The following COMMD2 variants were observed in gnomAD, a reference collection of about 807,000 sequenced individuals.
COMMD2 encodes COMM domain-containing protein 2.
In COMMD2, 25 loss-of-function variants were observed where a neutral mutation model predicts 22.5. That is an observed-to-expected ratio of 1.11 (90% CI 0.81 to 1.55). The LOEUF is 1.55. COMMD2 is among the 40% of genes most tolerant of loss of function. The probability of loss-of-function intolerance (pLI) is 0.00; values close to 1 mark genes in which losing one functional copy is unlikely to be tolerated. For missense variants in COMMD2, 223 were observed against 232.9 expected, an observed-to-expected ratio of 0.96 and a Z score of 0.28; for synonymous variants, 98 against 91.2, an observed-to-expected ratio of 1.07 and a Z score of -0.42.
chr3:149,752,308 C>T, intron 1 of COMMD2, 21 bp from the exon 2 acceptor site: 6 of 1,614,010 alleles, frequency 3.7e-6, no homozygotes, highest in Non-Finnish European at 5.1e-6. Flanking sequence ...AGTCAGAAGG[C>T]TGTTGAGTGC....
At chr3:149,745,202 C>G (rs1314007633) in intron 4 of COMMD2, among the ~76,000 whole-genome samples, 4 of 152,300 alleles carry the variant, frequency 2.6e-5, no homozygotes, top group Non-Finnish European at 5.9e-5. Flanking sequence ...CCCAATGAAC[C>G]CTACAAGACT....
Position 149,752,380 on chromosome 3 carries a change from G to C in COMMD2, c.65C>G (p.Ala22Gly). ...ACACCGCCCCCACGCCCGCTGACCCGCGCTGTCCACTTGAGGCAGGAAGGC... is the reference window on the plus strand; with the variant it reads ...ACACCGCCCCCACGCCCGCTGACCCCCGCTGTCCACTTGAGGCAGGAAGGC... ...HLAFLPQVDS[A>G]VVAEFGRIAV... Residue 22 changes from alanine to glycine, a missense_variant and splice_region_variant, in exon 1 of 5, where the codon GCG (alanine) becomes GGG (glycine). Coordinates refer to ENST00000473414, the MANE Select transcript of COMMD2 (RefSeq NM_016094.4). 2 of 1,614,106 alleles carry C rather than the reference G, an allele frequency of 1.2e-6. No homozygotes were observed. The highest frequency in any genetic ancestry group is 1.7e-6 in the Non-Finnish European group (2 of 1,179,982).
intron 4 of COMMD2, among the ~76,000 whole-genome samples, chr3:149,746,997 T>A (rs1716389834): frequency 6.6e-6 from 1 of 152,102 alleles, no homozygotes; most frequent in African/African-American, 2.4e-5. Flanking sequence ...GGAAAACTGC[T>A]CCTATGACTC....
intron 4 of COMMD2, among the ~76,000 whole-genome samples, chr3:149,743,232 AAAC>A (rs1365570090): frequency 4.6e-5 from 7 of 152,320 alleles, no homozygotes; most frequent in Middle Eastern, 3.4e-3. Context: ...TAAAAGAAGA[AAAC>A]ACAAAACTAT....
intron 4 of COMMD2, among the ~76,000 whole-genome samples, chr3:149,742,252 T>G (rs1716250202): frequency 6.6e-6 from 1 of 152,192 alleles, no homozygotes; most frequent in Non-Finnish European, 1.5e-5. Flanking sequence ...AAATACCATT[T>G]TACAAATATC....
chr3:149,743,058 A>C (rs985920583), intron 4 of COMMD2, among the ~76,000 whole-genome samples: 2 of 152,088 alleles, frequency 1.3e-5, no homozygotes, highest in African/African-American at 2.4e-5. Context: ...GGAGATGGTT[A>C]CAATTGGGTA....
rs146422588 is a variant in COMMD2 at position 149,751,964 on chromosome 3, G to A, written c.145+246C>T. The A allele has an allele frequency of 5.1e-3, 2,241 of 437,220 alleles. 11 individuals are homozygous for A. The highest frequency in any genetic ancestry group is 7.4e-3 in the Non-Finnish European group (1,823 of 247,334). 27.1% of individuals were successfully genotyped at this position (437,220 alleles called of 1,614,324 possible). A position where few individuals can be genotyped will look rare whatever the true frequency, so the allele number is the denominator to read the frequency against. On this transcript the variant is annotated intron_variant, in intron 2 of 4. Transcript: ENST00000473414. ...ATACAAAACACTTTTCAGTATTTCT[G>A]AAAGTAAGGTGGTATTATGTACATT...
chr3:149,745,433 C>T (rs1390729424), intron 4 of COMMD2, among the ~76,000 whole-genome samples: 3 of 152,120 alleles, frequency 2.0e-5, no homozygotes, highest in Non-Finnish European at 2.9e-5. Context: ...CAATACTTGC[C>T]CTCCTGGAGC....
At position 149,738,551 on chromosome 3, in the gene COMMD2, T is replaced by C. The variant is rs560661513; in HGVS notation, c.*2970A>G. On this transcript the variant is annotated 3_prime_UTR_variant, in exon 5 of 5. Transcript: ENST00000473414. ...TAAACATTCTATATACATGGTCTCATATAGTCCTTACGAGTCAATGTGGTA... is the reference window on the plus strand; with the variant it reads ...TAAACATTCTATATACATGGTCTCACATAGTCCTTACGAGTCAATGTGGTA... The C allele has an allele frequency of 1.3e-5, 2 of 152,200 alleles. No individual in the cohort carries two copies. Among genetic ancestry groups the C allele is most frequent in the East Asian group, 1.9e-4 (1 of 5,182 alleles). 9.4% of individuals were successfully genotyped at this position (152,200 alleles called of 1,614,324 possible). A position where few individuals can be genotyped will look rare whatever the true frequency, so the allele number is the denominator to read the frequency against.
At chr3:149,747,549 G>A (rs1205663461) in intron 4 of COMMD2, among the ~76,000 whole-genome samples, 5 of 152,210 alleles carry the variant, frequency 3.3e-5, no homozygotes, top group African/African-American at 9.6e-5. Context: ...AGTAAGTTAC[G>A]AGAGTAGAGT....
At position 149,738,724 on chromosome 3, in the gene COMMD2, C is replaced by T. The variant is rs925677058; in HGVS notation, c.*2797G>A. ...TCTTAACCACTTCATAAGATTAAAA[C>T]GCTGAAGGGGCACATACTGTTATGA... On this transcript the variant is annotated 3_prime_UTR_variant, in exon 5 of 5. Coordinates refer to ENST00000473414, the MANE Select transcript of COMMD2 (RefSeq NM_016094.4). 13 of 152,102 alleles carry T rather than the reference C, an allele frequency of 8.5e-5. No homozygotes were observed. The highest frequency in any genetic ancestry group is 1.3e-4 in the Non-Finnish European group (9 of 67,978). The allele number at this position is 152,102 out of a possible 1,614,324, so 9.4% of individuals were successfully genotyped here.
chr3:149,741,892 A>C (rs1716239614), intron 4 of COMMD2, among the ~76,000 whole-genome samples, 174 bp from the exon 5 acceptor site: 1 of 152,152 alleles, frequency 6.6e-6, no homozygotes, highest in Admixed American at 6.5e-5. Flanking sequence ...AATATATACC[A>C]ATTTTATGGT....
At chr3:149,747,477 G>A (rs966818536) in intron 4 of COMMD2, among the ~76,000 whole-genome samples, 2 of 152,210 alleles carry the variant, frequency 1.3e-5, no homozygotes, top group Non-Finnish European at 2.9e-5. Flanking sequence ...GTAGGAAGGC[G>A]TGACTGTGAC....
intron 4 of COMMD2, among the ~76,000 whole-genome samples, chr3:149,743,966 T>C (rs1190232517): frequency 6.6e-6 from 1 of 152,180 alleles, no homozygotes; most frequent in East Asian, 1.9e-4. Flanking sequence ...ATCTATACTA[T>C]TCTTTAACAG....
chr3:149,746,279 G>A (rs1175865346), intron 4 of COMMD2, among the ~76,000 whole-genome samples: 2 of 151,998 alleles, frequency 1.3e-5, no homozygotes, highest in Admixed American at 6.6e-5. Flanking sequence ...ACCTTTTTAA[G>A]AAACTGACTT....
intron 4 of COMMD2, among the ~76,000 whole-genome samples, chr3:149,747,397 G>A (rs530786102): frequency 4.6e-5 from 7 of 152,330 alleles, no homozygotes; most frequent in Non-Finnish European, 8.8e-5. Context: ...CTGAGAAAGA[G>A]GAGCCTGTGA....
chr3:149,746,871 A>G (rs1716386046), intron 4 of COMMD2, among the ~76,000 whole-genome samples: 1 of 152,230 alleles, frequency 6.6e-6, no homozygotes, highest in Non-Finnish European at 1.5e-5. Flanking sequence ...TAGAATCATG[A>G]CAGAAGGCAC....
At chr3:149,749,160 A>C (rs923733462) in intron 4 of COMMD2, among the ~76,000 whole-genome samples, 1 of 152,106 alleles carries the variant, frequency 6.6e-6, no homozygotes, top group Admixed American at 6.5e-5. Flanking sequence ...GACTACAGGC[A>C]TATGCCACCA....
At position 149,752,441 on chromosome 3, in the gene COMMD2, G is replaced by C; in HGVS notation, c.4C>G (p.Leu2Val). M[L>V]LELSEEHKEH... ...TTATGCTCCTCGGACAATTCCAGCA[G>C]CATCTTCACTGTCCTACGATTTCAC... Residue 2 changes from leucine to valine, a missense_variant, in exon 1 of 5, where the codon CTG becomes GTG. By Grantham distance (32) the Leu-to-Val change is conservative. Coordinates refer to ENST00000473414, the MANE Select transcript of COMMD2 (RefSeq NM_016094.4). The C allele has an allele frequency of 6.2e-7, 1 of 1,613,182 alleles. No individual in the cohort carries two copies.
Sources: gnomAD v4.1 joint callset for allele counts (sites outside exome capture counted in the v4.1 genomes callset) on GRCh38, gnomAD v4.1.1 for gene constraint, MANE v1.5 for transcripts, NCBI Gene and HGNC (gene_info 2026-07-23, HGNC 2026-07-21) for gene names.